TERF2: variants seen among roughly 807,000 people sequenced by gnomAD.
The protein encoded by TERF2 is telomeric repeat-binding factor 2.
Under a neutral mutation model 56.1 loss-of-function variants are expected in TERF2, and 16 were observed. The ratio of observed to expected loss-of-function variants is 0.29; its 90% CI spans 0.19 to 0.43. The LOEUF (loss-of-function observed/expected upper bound fraction) is 0.43. Ranked by LOEUF, TERF2 falls within the 20% of genes least tolerant of loss-of-function variation. The pLI is 1.00. For synonymous variants in TERF2, 296 were observed against 282.1 expected, an observed-to-expected ratio of 1.05 and a Z score of -0.50; for missense variants, 547 against 712.9, an observed-to-expected ratio of 0.77 and a Z score of 2.65.
At chr16:69,381,808 C>T (rs1318145442) in intron 3 of TERF2, among the ~76,000 whole-genome samples, 1 of 152,124 alleles carries the variant, frequency 6.6e-6, no homozygotes, top group African/African-American at 2.4e-5. Context: ...CACACAAAAT[C>T]CTGAAAAGAT....
intron 4 of TERF2, 137 bp from the exon 5 acceptor site, chr16:69,370,766 A>C: frequency 1.2e-6 from 1 of 826,722 alleles, no homozygotes; most frequent in South Asian, 1.8e-5. Context: ...ACAGGAAGGG[A>C]AGCCCAACAC....
intron 3 of TERF2, 118 bp from the exon 4 acceptor site, chr16:69,372,473 A>C (rs1242382805): frequency 1.4e-6 from 1 of 709,508 alleles, no homozygotes; most frequent in Non-Finnish European, 2.2e-6. Flanking sequence ...AAAAACTAAC[A>C]ATTATAAAGC....
Position 69,368,412 on chromosome 16 carries a change from G to A in TERF2, c.911C>T (p.Pro304Leu). The change falls in exon 6 of 10, where the codon CCA (proline) becomes CTA (leucine). Residue 304 changes from proline to leucine, a missense_variant. Pro to Leu is a moderately conservative substitution (Grantham distance 98). Coordinates refer to ENST00000254942, the MANE Select transcript of TERF2 (RefSeq NM_005652.5). ...STGKEDKQPA[P>L]GPVEKPPREP... The stretch of plus-strand genomic sequence containing the variant: ...TCTGGGTGGCTTTTCCACAGGCCCT[G>A]GTGCTGGCTGTTTATCTTCCTTCCC... 1 of 1,614,120 alleles carries A rather than the reference G, an allele frequency of 6.2e-7. No individual in the cohort carries two copies. Among genetic ancestry groups the A allele is most frequent in the Non-Finnish European group, 8.5e-7 (1 of 1,180,018 alleles).
At chr16:69,370,376 C>T in intron 5 of TERF2, 107 bp downstream of exon 5, 2 of 1,438,168 alleles carry the variant, frequency 1.4e-6, no homozygotes, top group East Asian at 4.6e-5. Flanking sequence ...CTAGTGCATA[C>T]AATTCAATGT....
intron 3 of TERF2, among the ~76,000 whole-genome samples, chr16:69,375,872 CTACAT>C (rs2013759706): frequency 6.6e-6 from 1 of 151,912 alleles, no homozygotes; most frequent in South Asian, 2.1e-4. Context: ...TTTTTACCAT[CTACAT>C]TATTTTGGGT....
chr16:69,359,576 T>C (rs2013050954), intron 8 of TERF2, among the ~76,000 whole-genome samples: 3 of 149,862 alleles, frequency 2.0e-5, no homozygotes, highest in Admixed American at 1.3e-4. Context: ...TGTACTAAAA[T>C]TTTCTTTTTT....
At chr16:69,381,557 T>C (rs187835308) in intron 3 of TERF2, among the ~76,000 whole-genome samples, 6 of 152,036 alleles carry the variant, frequency 3.9e-5, no homozygotes, top group African/African-American at 1.2e-4. Flanking sequence ...ATCAGCTTAC[T>C]GCAACCTCCA....
In TERF2 at chr16:69,385,710, C is replaced by T; in HGVS notation, c.262G>A (p.Ala88Thr). The T allele has an allele frequency of 1.3e-6, 2 of 1,595,530 alleles. No homozygotes were observed. The highest frequency in any genetic ancestry group is 1.7e-5 in the Admixed American group (1 of 58,310). Residue 88 changes from alanine (A) to threonine (T), a missense_variant, in exon 1 of 10, where the codon GCA becomes ACA. Physicochemically the swap from Ala to Thr is moderately conservative, Grantham distance 58. Around this residue, in one of 6 missense-constraint regions of TERF2, gnomAD observed 120 missense variants for 172.4 expected, o/e 0.70. Coordinates refer to ENST00000254942, the MANE Select transcript of TERF2 (RefSeq NM_005652.5). ...GGPAERGAGE[A>T]RLEEAVNRWV... ...CGATTGACTGCCTCTTCCAGCCGTG[C>T]CTCCCCCGCGCCGCGCTCCGCCGGG...
chr16:69,364,677 C>T lies in TERF2; in HGVS notation c.1340+2130G>A, dbSNP rs191257129. Reference sequence around the variant, plus strand: ...GCTCCCACTGCGTAGAGTCCCCCAGCCCCCAACACACTCGACGACCTTCTG... The same window carrying T: ...GCTCCCACTGCGTAGAGTCCCCCAGTCCCCAACACACTCGACGACCTTCTG... On this transcript the variant is annotated intron_variant, in intron 7 of 9. Transcript: ENST00000254942. Among the ~76,000 whole-genome samples the T allele has an allele frequency of 3.7e-4, 56 of 152,234 alleles. 2 individuals are homozygous for T. The highest frequency in any genetic ancestry group is 3.5e-3 in the Admixed American group (54 of 15,286).
At chr16:69,373,362 A>G (rs2013648395) in intron 3 of TERF2, among the ~76,000 whole-genome samples, 3 of 152,178 alleles carry the variant, frequency 2.0e-5, no homozygotes, top group Admixed American at 2.0e-4. Flanking sequence ...TTGAGGAAAA[A>G]TAACAGTGAC....
intron 8 of TERF2, among the ~76,000 whole-genome samples, chr16:69,357,809 T>C (rs1029920437): frequency 1.3e-5 from 2 of 152,026 alleles, no homozygotes; most frequent in Admixed American, 6.6e-5. Context: ...TGGCTAGTGA[T>C]GCGTTTCAAG....
chr16:69,363,541 T>C (rs1324703150), intron 7 of TERF2, among the ~76,000 whole-genome samples: 1 of 152,196 alleles, frequency 6.6e-6, no homozygotes, highest in Non-Finnish European at 1.5e-5. Flanking sequence ...CTTGTGCTCC[T>C]GACTGGCAGT....
At chr16:69,377,769 T>G (rs922135572) in intron 3 of TERF2, among the ~76,000 whole-genome samples, 1 of 152,252 alleles carries the variant, frequency 6.6e-6, no homozygotes, top group Non-Finnish European at 1.5e-5. Context: ...CTGACTTTTC[T>G]TTTTTTACTT....
chr16:69,356,814 A>AG lies in TERF2; in HGVS notation c.*83_*84insC. The AG allele has an allele frequency of 7.0e-7, 1 of 1,422,236 alleles. No individual in the cohort carries two copies. The highest frequency in any genetic ancestry group is 2.4e-5 in the East Asian group (1 of 42,136). The allele number at this position is 1,422,236 out of a possible 1,614,324, so 88.1% of individuals were successfully genotyped here. A position where few individuals can be genotyped will look rare whatever the true frequency, so the allele number is the denominator to read the frequency against. ...GACTCTGTCTCAAAAAAAAAAAAAAAAGAAAAAGAAAGAAAGAGCAGACTA... is the reference window on the plus strand; with the variant it reads ...GACTCTGTCTCAAAAAAAAAAAAAAAGAGAAAAAGAAAGAAAGAGCAGACTA... On this transcript the variant is annotated 3_prime_UTR_variant, in exon 10 of 10. Transcript: ENST00000254942.
chr16:69,370,362 A>G, intron 5 of TERF2, 121 bp downstream of exon 5: 1 of 1,339,422 alleles, frequency 7.5e-7, no homozygotes, highest in Non-Finnish European at 1.0e-6. Context: ...TTTAATTAAG[A>G]AAGCTAGTGC....
chr16:69,370,340 A>C (rs1483821018), intron 5 of TERF2, 143 bp downstream of exon 5: 12 of 1,229,410 alleles, frequency 9.8e-6, no homozygotes, highest in Non-Finnish European at 1.2e-5. Flanking sequence ...CTGCTTTTGC[A>C]TTTTTAAGGC....
rs542406275 is a variant in TERF2, at chr16:69,359,479, G to T, written c.1427-1918C>A. Among the ~76,000 whole-genome samples, 419 of 147,684 alleles carry T rather than the reference G, an allele frequency of 2.8e-3. 3 individuals carry two copies. Among genetic ancestry groups the T allele is most frequent in the African/African-American group, 9.1e-3 (362 of 39,950 alleles). ...GGAGGTGGAGGTTGCGGTGAGGCAA[G>T]ATCGCGCCACTGCACCCCAGCCTGG... On this transcript the variant is annotated intron_variant, in intron 8 of 9. Coordinates refer to ENST00000254942, the MANE Select transcript of TERF2 (RefSeq NM_005652.5).
chr16:69,357,107 T>C lies in TERF2; in HGVS notation c.1471-51A>G, dbSNP rs2012935047. 3.9e-6 allele frequency: 6 copies of C among 1,556,740 alleles called. No homozygotes were observed. The Middle Eastern group carries it at 1.0e-3, about 268-fold the overall frequency. Reference sequence around the variant, plus strand: ...TTACCACCTTTCCTCTCCACTTACTTACATTTTCTCCAATGTAGTGATAAG... The same window carrying C: ...TTACCACCTTTCCTCTCCACTTACTCACATTTTCTCCAATGTAGTGATAAG... On this transcript the variant is annotated intron_variant, in intron 9 of 9. Coordinates refer to ENST00000254942, the MANE Select transcript of TERF2 (RefSeq NM_005652.5).
intron 8 of TERF2, among the ~76,000 whole-genome samples, chr16:69,360,792 C>A (rs944494543): frequency 6.6e-6 from 1 of 151,726 alleles, no homozygotes; most frequent in Non-Finnish European, 1.5e-5. Context: ...GAATGACCCC[C>A]TACTACCACA....
Sources: allele counts gnomAD v4.1 joint callset (sites outside exome capture counted in the v4.1 genomes callset), GRCh38; gene constraint gnomAD v4.1.1; regional missense constraint gnomAD v4.1.1; transcripts MANE v1.5; gene names NCBI Gene and HGNC (gene_info 2026-07-23, HGNC 2026-07-21).